The following GABRG3 variants were observed in gnomAD, a reference collection of about 807,000 sequenced individuals.
GABRG3 encodes gamma-aminobutyric acid type A receptor subunit gamma3.
A neutral mutation model predicts 48.8 loss-of-function variants in GABRG3; 25 were observed. The ratio of observed to expected loss-of-function variants is 0.51; its 90% CI spans 0.37 to 0.72. The LOEUF is 0.72. GABRG3 is among the 30% of genes least tolerant of loss of function. The pLI is 0.00. For missense variants in GABRG3, 394 were observed against 577.9 expected (o/e 0.68, Z 3.26); for synonymous variants, 227 against 217.6 (o/e 1.04, Z -0.38).
At position 27,260,768 on chromosome 15, in the gene GABRG3, C is replaced by T. The variant is rs187199200; in HGVS notation, c.271-66041C>T. 4.6e-5 allele frequency among the ~76,000 whole-genome samples: 7 copies of T among 152,244 alleles called. No individual in the cohort carries two copies. In the East Asian group the frequency reaches 1.4e-3, roughly 29 times the overall value. ...CAAGAAAGACACTGGATCCAGGAAACAGGAAGGCCAACATAGGGGCCTGAT... is the reference window on the plus strand; with the variant it reads ...CAAGAAAGACACTGGATCCAGGAAATAGGAAGGCCAACATAGGGGCCTGAT... On this transcript the variant is annotated intron_variant, in intron 3 of 9. Transcript: ENST00000615808.
intron 2 of GABRG3, among the ~76,000 whole-genome samples, chr15:26,984,209 C>T (rs1410961653): frequency 6.6e-6 from 1 of 152,104 alleles, no homozygotes; most frequent in Non-Finnish European, 1.5e-5. Flanking sequence ...CATTGTACAG[C>T]TGAGGACTGG....
intron 3 of GABRG3, among the ~76,000 whole-genome samples, chr15:27,259,365 C>T (rs79355549): frequency 2.0e-5 from 3 of 152,106 alleles, no homozygotes; most frequent in Non-Finnish European, 2.9e-5. Context: ...CATTGGGCTC[C>T]GTCCTTCTCT....
chr15:27,171,748 G>C (rs1887579934), intron 3 of GABRG3, among the ~76,000 whole-genome samples: 2 of 152,110 alleles, frequency 1.3e-5, no homozygotes, highest in Non-Finnish European at 1.5e-5. Context: ...TGTGGTGCCT[G>C]CTTGAGCCAG....
At chr15:27,326,780 G>C (rs779161513) in intron 3 of GABRG3, 29 bp from the exon 4 acceptor site, 83 of 1,528,852 alleles carry the variant, frequency 5.4e-5, no homozygotes, top group Admixed American at 1.7e-4. Context: ...TAATAGAACT[G>C]TCTTGCCTCT....
intron 3 of GABRG3, among the ~76,000 whole-genome samples, chr15:27,044,146 T>C (rs1047789579): frequency 6.6e-6 from 1 of 152,172 alleles, no homozygotes; most frequent in African/African-American, 2.4e-5. Context: ...TTTGGCCATA[T>C]CTGTTGGTTA....
At chr15:27,123,960 C>T (rs746760460) in intron 3 of GABRG3, among the ~76,000 whole-genome samples, 1 of 152,172 alleles carries the variant, frequency 6.6e-6, no homozygotes, top group Non-Finnish European at 1.5e-5. Context: ...ATTTTCTGGA[C>T]ACCCAGGCGG....
chr15:27,422,189 C>T (rs913284054), intron 5 of GABRG3, among the ~76,000 whole-genome samples: 1 of 151,850 alleles, frequency 6.6e-6, no homozygotes, highest in Non-Finnish European at 1.5e-5. Context: ...ACTGAGTGTT[C>T]TAAGATATCC....
At chr15:27,241,624 C>G (rs1211305708) in intron 3 of GABRG3, among the ~76,000 whole-genome samples, 1 of 152,212 alleles carries the variant, frequency 6.6e-6, no homozygotes. Flanking sequence ...TAAAAATTCA[C>G]TTTCCATTTA....
At chr15:27,099,256 G>A (rs1897315894) in intron 3 of GABRG3, among the ~76,000 whole-genome samples, 1 of 152,142 alleles carries the variant, frequency 6.6e-6, no homozygotes, top group African/African-American at 2.4e-5. Context: ...ACAGTAGACT[G>A]TGCTAAGTTG....
intron 9 of GABRG3, among the ~76,000 whole-genome samples, chr15:27,529,593 C>T (rs368868725): frequency 8.5e-5 from 13 of 152,096 alleles, no homozygotes; most frequent in African/African-American, 3.1e-4. Context: ...TATCTGCACT[C>T]TGCAAGTGTG....
intron 3 of GABRG3, among the ~76,000 whole-genome samples, chr15:27,195,775 C>G (rs544319960): frequency 4.0e-4 from 61 of 152,292 alleles, no homozygotes; most frequent in African/African-American, 1.4e-3. Context: ...GCTGGGATTA[C>G]AGGTGCCCAC....
chr15:27,004,724 C>A (rs1314710486), intron 2 of GABRG3, among the ~76,000 whole-genome samples: 1 of 152,192 alleles, frequency 6.6e-6, no homozygotes, highest in African/African-American at 2.4e-5. Flanking sequence ...AGTTGTCGGA[C>A]ATTTATTTGG....
chr15:27,431,783 C>T (rs374149427), intron 5 of GABRG3, among the ~76,000 whole-genome samples: 1 of 152,084 alleles, frequency 6.6e-6, no homozygotes, highest in South Asian at 2.1e-4. Flanking sequence ...TTATTTTTAT[C>T]CTTTATTCTA....
chr15:27,308,934 A>G (rs190289278), intron 3 of GABRG3, among the ~76,000 whole-genome samples: 3 of 146,024 alleles, frequency 2.1e-5, no homozygotes, highest in Admixed American at 6.7e-5. Flanking sequence ...ATATGAAAAC[A>G]CATATAATGT....
chr15:27,346,353 T>A (rs1894374849), intron 5 of GABRG3, among the ~76,000 whole-genome samples: 1 of 152,206 alleles, frequency 6.6e-6, no homozygotes, highest in African/African-American at 2.4e-5. Flanking sequence ...TTTCCAAAAT[T>A]GACTGTTTTG....
At position 27,532,829 on chromosome 15, in the gene GABRG3, C is replaced by T. The variant is rs754715333; in HGVS notation, c.1352C>T (p.Thr451Met). 54 of 1,613,874 alleles carry T rather than the reference C, an allele frequency of 3.3e-5. No individual in the cohort carries two copies. The highest frequency in any genetic ancestry group is 2.2e-4 in the Admixed American group (13 of 60,000). ...LDSYSRVFFP[T>M]SFLLFNLVYW... is the part of the protein sequence containing the mutation. ...TCGTACTCCCGGGTCTTTTTCCCCA[C>T]GTCCTTCCTGCTCTTTAACCTGGTC... Residue 451 changes from threonine to methionine, a missense_variant, in exon 10 of 10, where the codon ACG (threonine) becomes ATG (methionine). By Grantham distance (81) the Thr-to-Met change is moderately conservative. Around this residue, in one of 3 missense-constraint regions of GABRG3, gnomAD observed 126 missense variants for 155.5 expected, o/e 0.81. Transcript: ENST00000615808.
intron 3 of GABRG3, among the ~76,000 whole-genome samples, chr15:27,185,546 A>G (rs1182863229): frequency 6.6e-6 from 1 of 152,186 alleles, no homozygotes; most frequent in Non-Finnish European, 1.5e-5. Flanking sequence ...TATGTCAATT[A>G]GGTTCCATTG....
chr15:27,347,002 C>A (rs138275664), intron 5 of GABRG3, among the ~76,000 whole-genome samples: 56 of 101,198 alleles, frequency 5.5e-4, no homozygotes, highest in African/African-American at 2.1e-3. Flanking sequence ...TTTTGTCTTT[C>A]TGGCATGCCT....
chr15:26,973,351 C>T (rs1417798387), intron 1 of GABRG3, among the ~76,000 whole-genome samples: 1 of 152,178 alleles, frequency 6.6e-6, no homozygotes, highest in Non-Finnish European at 1.5e-5. Context: ...TATTTGGGCT[C>T]GTTCCCCAGC....
Sources: gnomAD v4.1 joint callset for allele counts (sites outside exome capture counted in the v4.1 genomes callset) on GRCh38, gnomAD v4.1.1 for gene constraint, gnomAD v4.1.1 regional missense constraint, MANE v1.5 for transcripts, NCBI Gene and HGNC (gene_info 2026-07-23, HGNC 2026-07-21) for gene names.